Variants in PITPNC1 observed in about 807,000 individuals in gnomAD.
The protein encoded by PITPNC1 is cytoplasmic phosphatidylinositol transfer protein 1.
Under a neutral mutation model 44.7 loss-of-function variants are expected in PITPNC1, and 18 were observed. The ratio of observed to expected loss-of-function variants is 0.40; its 90% CI spans 0.28 to 0.60. PITPNC1 has a LOEUF of 0.60. Among genes scored for constraint, PITPNC1 ranks in the 20% least tolerant of loss-of-function variants. The probability of loss-of-function intolerance (pLI) is 0.39; values close to 1 mark genes in which losing one functional copy is unlikely to be tolerated. For synonymous variants in PITPNC1, 141 were observed against 149.6 expected, an observed-to-expected ratio of 0.94 and a Z score of 0.42; for missense variants, 290 against 418.4, an observed-to-expected ratio of 0.69 and a Z score of 2.68.
intron 1 of PITPNC1, among the ~76,000 whole-genome samples, chr17:67,498,831 C>G (rs1021449306): frequency 1.3e-5 from 2 of 150,138 alleles, no homozygotes; most frequent in Non-Finnish European, 3.0e-5. Context: ...CTCATGTACT[C>G]ACTAGTCACT....
At chr17:67,474,901 A>C (rs1017076988) in intron 1 of PITPNC1, among the ~76,000 whole-genome samples, 4 of 151,672 alleles carry the variant, frequency 2.6e-5, no homozygotes, top group African/African-American at 9.7e-5. Flanking sequence ...CAGTCCTCCT[A>C]CCTCAGCCTC....
chr17:67,538,455 C>G (rs1477126038), intron 2 of PITPNC1, among the ~76,000 whole-genome samples: 5 of 152,080 alleles, frequency 3.3e-5, no homozygotes, highest in Admixed American at 3.3e-4. Flanking sequence ...CAAAAATTAG[C>G]CAGGTGTGGT....
intron 1 of PITPNC1, among the ~76,000 whole-genome samples, chr17:67,405,180 G>C (rs567539472): frequency 6.6e-6 from 1 of 152,182 alleles, no homozygotes; most frequent in Non-Finnish European, 1.5e-5. Context: ...CCAGGAGTTG[G>C]AGGTTGTAGT....
intron 1 of PITPNC1, among the ~76,000 whole-genome samples, chr17:67,523,804 A>ACC (rs199854917): frequency 1.8e-5 from 2 of 108,374 alleles, no homozygotes; most frequent in African/African-American, 3.5e-5. Context: ...ATACATGGAA[A>ACC]CCGTTTTTTT....
chr17:67,391,164 C>G (rs927534290), intron 1 of PITPNC1, among the ~76,000 whole-genome samples: 1 of 151,648 alleles, frequency 6.6e-6, no homozygotes, highest in Non-Finnish European at 1.5e-5. Flanking sequence ...AAAAATCAAC[C>G]CTTTTTAATT....
chr17:67,691,025 C>G (rs937367337), intron 8 of PITPNC1, among the ~76,000 whole-genome samples: 1 of 152,090 alleles, frequency 6.6e-6, no homozygotes, highest in East Asian at 1.9e-4. Context: ...ATTACTTGAA[C>G]CCAGGAGGTG....
chr17:67,425,882 TA>T (rs1567985241), intron 1 of PITPNC1, among the ~76,000 whole-genome samples: 1 of 152,116 alleles, frequency 6.6e-6, no homozygotes, highest in Non-Finnish European at 1.5e-5. Flanking sequence ...TTGCCGATCA[TA>T]AGGTCTATGT....
intron 1 of PITPNC1, among the ~76,000 whole-genome samples, chr17:67,476,286 A>T (rs1418076319): frequency 6.6e-6 from 1 of 150,730 alleles, no homozygotes; most frequent in Admixed American, 6.6e-5. Context: ...CCCCAGGTTC[A>T]AGTGATTGCC....
intron 1 of PITPNC1, among the ~76,000 whole-genome samples, chr17:67,391,038 A>G (rs1323026926): frequency 6.9e-6 from 1 of 145,852 alleles, no homozygotes; most frequent in Non-Finnish European, 1.5e-5. Flanking sequence ...TCTTGGTCAG[A>G]TTGATCTAAT....
intron 6 of PITPNC1, among the ~76,000 whole-genome samples, chr17:67,652,943 C>G (rs1796594805): frequency 6.6e-6 from 1 of 152,154 alleles, no homozygotes; most frequent in Non-Finnish European, 1.5e-5. Flanking sequence ...GAAGTGAGAT[C>G]ATTAGGGGGA....
intron 1 of PITPNC1, among the ~76,000 whole-genome samples, chr17:67,436,914 T>TTG (rs1363354197): frequency 1.7e-5 from 2 of 120,220 alleles, no homozygotes; most frequent in South Asian, 2.9e-4. Flanking sequence ...GGGTGTTTTT[T>TTG]TTTTTTTTTT....
intron 7 of PITPNC1, among the ~76,000 whole-genome samples, chr17:67,670,207 T>C (rs1245152289): frequency 2.6e-5 from 4 of 152,236 alleles, no homozygotes; most frequent in African/African-American, 9.6e-5. Flanking sequence ...GTGACCTCCA[T>C]GTCTATTAGG....
intron 4 of PITPNC1, among the ~76,000 whole-genome samples, chr17:67,559,739 T>G (rs2040882697): frequency 6.6e-6 from 1 of 152,042 alleles, no homozygotes; most frequent in Non-Finnish European, 1.5e-5. Flanking sequence ...ATACAAACAT[T>G]AGCTGTGCAT....
At chr17:67,454,236 G>C (rs1415572367) in intron 1 of PITPNC1, among the ~76,000 whole-genome samples, 1 of 147,896 alleles carries the variant, frequency 6.8e-6, no homozygotes, top group Admixed American at 6.8e-5. Flanking sequence ...GGGACACAGA[G>C]CAAGACTCCG....
At chr17:67,619,185 G>A (rs1446157745) in intron 5 of PITPNC1, among the ~76,000 whole-genome samples, 1 of 152,156 alleles carries the variant, frequency 6.6e-6, no homozygotes, top group Non-Finnish European at 1.5e-5. Flanking sequence ...GTCCATGAAG[G>A]GGCCAGATTG....
chr17:67,485,848 C>T (rs1278958040), intron 1 of PITPNC1, among the ~76,000 whole-genome samples: 1 of 152,166 alleles, frequency 6.6e-6, no homozygotes, highest in Non-Finnish European at 1.5e-5. Context: ...AGGCTGTCTT[C>T]TGGGGGCGGC....
intron 6 of PITPNC1, among the ~76,000 whole-genome samples, chr17:67,665,194 G>A (rs1165144191): frequency 6.6e-6 from 1 of 152,146 alleles, no homozygotes; most frequent in Non-Finnish European, 1.5e-5. Context: ...CTGGGCTCGA[G>A]TGATCCTCCC....
intron 1 of PITPNC1, among the ~76,000 whole-genome samples, chr17:67,458,190 C>T (rs990027438): frequency 6.6e-6 from 1 of 152,188 alleles, no homozygotes; most frequent in East Asian, 1.9e-4. Context: ...CTCCCTGCCT[C>T]CTCCTGCTTC....
chr17:67,589,387 T>C (rs552265220), intron 5 of PITPNC1, among the ~76,000 whole-genome samples: 93 of 152,340 alleles, frequency 6.1e-4, no homozygotes, highest in Middle Eastern at 6.8e-3. Context: ...TGGCTAGGCC[T>C]GATTCACAGG....
Sources: gnomAD v4.1 joint callset for allele counts (sites outside exome capture counted in the v4.1 genomes callset) on GRCh38, gnomAD v4.1.1 for gene constraint, MANE v1.5 for transcripts, NCBI Gene and HGNC (gene_info 2026-07-23, HGNC 2026-07-21) for gene names.